The following CAP2 variants were observed in gnomAD, a reference collection of about 807,000 sequenced individuals.
CAP2 encodes the protein cyclase associated actin cytoskeleton regulatory protein 2, also known as adenylyl cyclase-associated protein 2.
CAP2 carries 24 observed loss-of-function variants against 57.7 expected under a neutral mutation model. The ratio of observed to expected loss-of-function variants is 0.42; its 90% CI spans 0.30 to 0.58. The LOEUF (loss-of-function observed/expected upper bound fraction) is 0.58, where lower values mean the gene tolerates loss of function less well. Ranked by LOEUF, CAP2 falls within the 20% of genes least tolerant of loss-of-function variation. The pLI, the probability that CAP2 is intolerant of heterozygous loss-of-function variation, is 0.22. For missense variants in CAP2, 501 were observed against 590.3 expected (o/e 0.85, Z 1.57); for synonymous variants, 194 against 207.2 (o/e 0.94, Z 0.55).
At chr6:17,475,128 G>A (rs1458133634) in intron 4 of CAP2, among the ~76,000 whole-genome samples, 1 of 151,552 alleles carries the variant, frequency 6.6e-6, no homozygotes, top group Non-Finnish European at 1.5e-5. Flanking sequence ...CTGGGAGGCG[G>A]AGGTTGCAGT....
rs139741683 is a variant in CAP2 at position 17,439,847 on chromosome 6, T to G, written c.222+13157T>G. On this transcript the variant is annotated intron_variant, in intron 3 of 12. Coordinates refer to ENST00000229922, the MANE Select transcript of CAP2 (RefSeq NM_006366.3). The stretch of plus-strand genomic sequence containing the variant: ...GTCACTTGCTTGCTGGCTTGCTCAC[T>G]GCTCACCTCCTGCTGTGCACCCCAC... 1.1e-3 allele frequency among the ~76,000 whole-genome samples: 170 copies of G among 151,550 alleles called. 7 individuals are homozygous for G. The highest frequency in any genetic ancestry group is 4.0e-3 in the African/African-American group (164 of 40,936).
chr6:17,504,239 T>C (rs553779273), intron 4 of CAP2, among the ~76,000 whole-genome samples: 1 of 152,344 alleles, frequency 6.6e-6, no homozygotes, highest in East Asian at 1.9e-4. Flanking sequence ...TTACCAAGCA[T>C]GACATGTTCT....
In CAP2 at chr6:17,513,259, T is replaced by C. The variant is rs1762199523; in HGVS notation, c.531-590T>C. Among the ~76,000 whole-genome samples the C allele has an allele frequency of 6.6e-6, 1 of 152,136 alleles. No homozygotes were observed. The highest frequency in any genetic ancestry group is 1.5e-5 in the Non-Finnish European group (1 of 68,036). On this transcript the variant is annotated intron_variant, in intron 6 of 12. Transcript: ENST00000229922. The surrounding 1 kb of genome is among the most constrained non-coding windows in gnomAD (Gnocchi z 4.3). ...CATTCAAAGTATTAAATTAAGGGAATTTAAGTAAATGTCCCTTTAGAAGTA... is the reference window on the plus strand; with the variant it reads ...CATTCAAAGTATTAAATTAAGGGAACTTAAGTAAATGTCCCTTTAGAAGTA...
chr6:17,481,851 G>C (rs79628989), intron 4 of CAP2, among the ~76,000 whole-genome samples: 2,521 of 152,218 alleles, frequency 0.017, 69 homozygotes, highest in African/African-American at 0.056. Context: ...AATCTAATTA[G>C]TATTCCATGT....
At chr6:17,554,842 T>G (rs1763257570) in intron 12 of CAP2, among the ~76,000 whole-genome samples, 1 of 152,238 alleles carries the variant, frequency 6.6e-6, no homozygotes, top group Non-Finnish European at 1.5e-5. Context: ...TTCTATCCTC[T>G]TCTGAAATGA....
At chr6:17,529,651 A>AAAAAAATAT (rs10656588) in intron 7 of CAP2, among the ~76,000 whole-genome samples, 91 of 134,524 alleles carry the variant, frequency 6.8e-4, no homozygotes, top group African/African-American at 2.5e-3. Flanking sequence ...AAAAAAAAAA[A>AAAAAAATAT]ATATATATAT....
At chr6:17,552,679 T>C (rs187882554) in intron 12 of CAP2, among the ~76,000 whole-genome samples, 4 of 152,268 alleles carry the variant, frequency 2.6e-5, no homozygotes, top group Non-Finnish European at 5.9e-5. Flanking sequence ...TAAGTCTGCC[T>C]GTGCAGGGAG....
intron 6 of CAP2, among the ~76,000 whole-genome samples, chr6:17,512,219 C>T (rs970723815): frequency 1.3e-5 from 2 of 151,876 alleles, no homozygotes; most frequent in Non-Finnish European, 2.9e-5. Context: ...GTGAGACCTC[C>T]ATCCCTACAA....
At chr6:17,534,586 A>C (rs72835452) in intron 7 of CAP2, among the ~76,000 whole-genome samples, 1 of 152,270 alleles carries the variant, frequency 6.6e-6, no homozygotes, top group Non-Finnish European at 1.5e-5. Context: ...GATCTAACTC[A>C]GATTGTAAAG....
chr6:17,507,333 G>C (rs1456526829), intron 5 of CAP2, 21 bp downstream of exon 5: 1 of 1,612,948 alleles, frequency 6.2e-7, no homozygotes, highest in East Asian at 2.2e-5. Context: ...GTGCAATGTT[G>C]CCTCTTCACC....
In CAP2 at chr6:17,542,814, A is replaced by G. The variant is rs781266775; in HGVS notation, c.1003-23A>G. ...CTGTTTATATATGCTGATGTTTAATATTTGTATTTGTCTTAATTCTAGGAG... is the reference window on the plus strand; with the variant it reads ...CTGTTTATATATGCTGATGTTTAATGTTTGTATTTGTCTTAATTCTAGGAG... On this transcript the variant is annotated intron_variant, in intron 9 of 12. Transcript: ENST00000229922. The G allele has an allele frequency of 1.3e-5, 21 of 1,589,618 alleles. No individual in the cohort carries two copies. The African/African-American group carries it at 2.3e-4, about 17-fold the overall frequency.
intron 1 of CAP2, among the ~76,000 whole-genome samples, chr6:17,419,074 C>T (rs1449235780): frequency 6.6e-5 from 10 of 152,118 alleles, no homozygotes; most frequent in South Asian, 2.1e-4. Context: ...CAGTAAACTC[C>T]GCCCTCCATA....
intron 4 of CAP2, among the ~76,000 whole-genome samples, chr6:17,475,235 A>G (rs1156697366): frequency 5.3e-5 from 8 of 151,916 alleles, no homozygotes. Flanking sequence ...TTCATGGATT[A>G]CAGTGGTTCA....
intron 4 of CAP2, among the ~76,000 whole-genome samples, chr6:17,474,171 A>T (rs953746687): frequency 6.8e-6 from 1 of 146,776 alleles, no homozygotes; most frequent in Admixed American, 6.9e-5. Context: ...ATCAAGACAG[A>T]GGAAAAAAAC....
At chr6:17,525,712 C>T (rs1201474031) in intron 7 of CAP2, among the ~76,000 whole-genome samples, 1 of 152,130 alleles carries the variant, frequency 6.6e-6, no homozygotes, top group Admixed American at 6.5e-5. Flanking sequence ...GAATTCCCTC[C>T]TAAGAGAGTT....
intron 4 of CAP2, among the ~76,000 whole-genome samples, chr6:17,472,615 A>G (rs766210179): frequency 2.0e-5 from 3 of 152,212 alleles, no homozygotes; most frequent in Non-Finnish European, 2.9e-5. Context: ...GAGCCTTCCA[A>G]TGGCAAGAGA....
At chr6:17,398,682 G>A (rs1054735340) in intron 1 of CAP2, among the ~76,000 whole-genome samples, 16 of 151,698 alleles carry the variant, frequency 1.1e-4, no homozygotes, top group South Asian at 2.1e-4. Context: ...CCACCACCAC[G>A]CCCGGCTAAT....
At chr6:17,437,869 C>T (rs1398307630) in intron 3 of CAP2, among the ~76,000 whole-genome samples, 4 of 151,976 alleles carry the variant, frequency 2.6e-5, no homozygotes, top group East Asian at 2.0e-4. Context: ...CAACAGAGCA[C>T]GACTCCGTCT....
chr6:17,412,453 A>G (rs1468559501), intron 1 of CAP2, among the ~76,000 whole-genome samples: 1 of 152,176 alleles, frequency 6.6e-6, no homozygotes, highest in Non-Finnish European at 1.5e-5. Context: ...CTACTAGAAG[A>G]CTCAAGACCT....
Sources: gnomAD v4.1 joint callset for allele counts (sites outside exome capture counted in the v4.1 genomes callset) on GRCh38, gnomAD v4.1.1 for gene constraint, Gnocchi (gnomAD v3.1) non-coding constraint, MANE v1.5 for transcripts, NCBI Gene and HGNC (gene_info 2026-07-23, HGNC 2026-07-21) for gene names.